Variants in SHC3 observed in about 807,000 individuals in gnomAD.
The protein encoded by SHC3 is SHC adaptor protein 3.
In SHC3, 15 loss-of-function variants were observed where a neutral mutation model predicts 60.4. The ratio of observed to expected loss-of-function variants is 0.25; its 90% confidence interval spans 0.17 to 0.38. SHC3 has a LOEUF of 0.38. Ranked by LOEUF, SHC3 falls within the 10% of genes least tolerant of loss-of-function variation. SHC3 has a pLI of 1.00. For missense variants in SHC3, 677 were observed against 786.1 expected (o/e 0.86, Z 1.66); for synonymous variants, 294 against 325.9 (o/e 0.90, Z 1.05).
At chr9:89,108,114 T>C (rs1825890661) in intron 2 of SHC3, among the ~76,000 whole-genome samples, 1 of 152,224 alleles carries the variant, frequency 6.6e-6, no homozygotes, top group Non-Finnish European at 1.5e-5. Context: ...CTAGGAGCAA[T>C]AGGCTATGCT....
intron 1 of SHC3, among the ~76,000 whole-genome samples, chr9:89,130,270 TC>T (rs1826224871): frequency 6.6e-6 from 1 of 152,114 alleles, no homozygotes; most frequent in Admixed American, 6.5e-5. Context: ...ATAAAGCAAG[TC>T]CTTAGAGACC....
At position 89,009,937 on chromosome 9, in the gene SHC3, TG is replaced by T. The variant is rs1933188003; in HGVS notation, c.*3509del. On this transcript the variant is annotated 3_prime_UTR_variant, in exon 12 of 12. Coordinates refer to ENST00000375835, the MANE Select transcript of SHC3 (RefSeq NM_016848.6). ...GAATCCCAGCACCAGACATGGAGGTTGGGCTGGACACACATGTCCACTGTTC... is the reference window on the plus strand; with the variant it reads ...GAATCCCAGCACCAGACATGGAGGTTGGCTGGACACACATGTCCACTGTTC... 6.6e-6 allele frequency: 1 copy of T among 152,262 alleles called. No homozygotes were observed. The highest frequency in any genetic ancestry group is 2.4e-5 in the African/African-American group (1 of 41,470). The allele number at this position is 152,262 out of a possible 1,614,324, so 9.4% of individuals were successfully genotyped here.
chr9:89,026,793 G>A (rs1826313809), intron 11 of SHC3, among the ~76,000 whole-genome samples: 1 of 152,202 alleles, frequency 6.6e-6, no homozygotes, highest in South Asian at 2.1e-4. Context: ...TGAGGAGTGA[G>A]CCTGACCTTG....
chr9:89,088,310 T>C (rs1219084942), intron 2 of SHC3, among the ~76,000 whole-genome samples: 3 of 152,238 alleles, frequency 2.0e-5, no homozygotes, highest in Non-Finnish European at 4.4e-5. Flanking sequence ...CAAGTTGTCC[T>C]GCCTTTCTGG....
intron 2 of SHC3, among the ~76,000 whole-genome samples, chr9:89,096,295 C>T (rs1825700276): frequency 6.6e-6 from 1 of 152,152 alleles, no homozygotes; most frequent in Non-Finnish European, 1.5e-5. Flanking sequence ...GTTCCAGGAG[C>T]CCAGAGACAT....
Position 89,052,093 on chromosome 9 carries a change from C to T in SHC3, c.906G>A (p.Glu302=). 13 of 1,614,160 alleles carry T rather than the reference C, an allele frequency of 8.1e-6. No individual in the cohort carries two copies. The highest frequency in any genetic ancestry group is 1.1e-5 in the Non-Finnish European group (13 of 1,180,012). Residue 302 remains glutamate (E), a synonymous_variant, in exon 7 of 12, where the codon GAG becomes GAA. Transcript: ENST00000375835. Reference sequence around the variant, plus strand: ...ACTGTAAATATTGCTTAAACCGGAGCTCAAAGGCTTGTCCGATGGAGCCGA... The same window carrying T: ...ACTGTAAATATTGCTTAAACCGGAGTTCAAAGGCTTGTCCGATGGAGCCGA... ...DVIGSIGQAF[E]LRFKQYLQCP...
chr9:89,133,767 G>C (rs536091210), intron 1 of SHC3, among the ~76,000 whole-genome samples: 4 of 152,222 alleles, frequency 2.6e-5, no homozygotes, highest in African/African-American at 4.8e-5. Context: ...GTCATGGGGT[G>C]GGGGGAGCTG....
chr9:89,096,646 A>G (rs62547209), intron 2 of SHC3, among the ~76,000 whole-genome samples: 8,768 of 152,302 alleles, frequency 0.058, 380 homozygotes, highest in Non-Finnish European at 0.086. Context: ...TATTACTTTT[A>G]TAATGCAATA....
chr9:89,018,070 G>C (rs1242448164), intron 11 of SHC3, among the ~76,000 whole-genome samples: 1 of 152,194 alleles, frequency 6.6e-6, no homozygotes, highest in East Asian at 1.9e-4. Flanking sequence ...AAACATTGTG[G>C]AAGACAGTGT....
intron 1 of SHC3, among the ~76,000 whole-genome samples, chr9:89,172,923 C>T (rs1471290626): frequency 6.6e-6 from 1 of 152,172 alleles, no homozygotes; most frequent in African/African-American, 2.4e-5. Flanking sequence ...TGGCCCTGGC[C>T]CCAGTGATCC....
intron 11 of SHC3, among the ~76,000 whole-genome samples, chr9:89,035,791 T>C (rs1287577224): frequency 6.9e-6 from 1 of 144,036 alleles, no homozygotes; most frequent in Non-Finnish European, 1.5e-5. Flanking sequence ...AACCTGTCTC[T>C]ACTAAAAATA....
intron 1 of SHC3, among the ~76,000 whole-genome samples, chr9:89,143,908 A>G (rs945687175): frequency 6.6e-6 from 1 of 152,134 alleles, no homozygotes; most frequent in Admixed American, 6.5e-5. Context: ...CCTTTAAGCC[A>G]CTGATATATG....
intron 2 of SHC3, among the ~76,000 whole-genome samples, chr9:89,089,411 G>A (rs900769135): frequency 3.3e-5 from 5 of 152,142 alleles, no homozygotes; most frequent in Non-Finnish European, 2.9e-5. Flanking sequence ...TGGAGCCTGG[G>A]GGGTGGAGCA....
chr9:89,025,706 C>T (rs919304594), intron 11 of SHC3, among the ~76,000 whole-genome samples: 3 of 152,196 alleles, frequency 2.0e-5, no homozygotes, highest in Non-Finnish European at 4.4e-5. Flanking sequence ...CAATAAGACA[C>T]CCAATTCCAG....
intron 1 of SHC3, among the ~76,000 whole-genome samples, chr9:89,167,269 C>T (rs930539701): frequency 4.6e-5 from 7 of 152,206 alleles, no homozygotes; most frequent in African/African-American, 1.7e-4. Flanking sequence ...TCATCTATTA[C>T]AGGAGTTGCT....
At chr9:89,069,729 C>A (rs376865820) in intron 5 of SHC3, among the ~76,000 whole-genome samples, 2 of 152,234 alleles carry the variant, frequency 1.3e-5, no homozygotes, top group Admixed American at 6.5e-5. Context: ...AGGAGTGATG[C>A]CCAGAATGGC....
At chr9:89,067,228 T>C (rs1415700133) in intron 5 of SHC3, among the ~76,000 whole-genome samples, 9 of 152,210 alleles carry the variant, frequency 5.9e-5, no homozygotes, top group Non-Finnish European at 1.3e-4. Flanking sequence ...CTTGTAATCA[T>C]AGGCACTTCC....
chr9:89,094,943 A>C (rs933620794), intron 2 of SHC3, among the ~76,000 whole-genome samples: 1 of 150,668 alleles, frequency 6.6e-6, no homozygotes, highest in African/African-American at 2.4e-5. Context: ...ACAACAAAAA[A>C]AACCAACCAA....
intron 1 of SHC3, among the ~76,000 whole-genome samples, chr9:89,133,730 G>A (rs1313943831): frequency 1.3e-5 from 2 of 152,066 alleles, no homozygotes; most frequent in African/African-American, 2.4e-5. Context: ...TTGGACACAG[G>A]GTAGGGAACA....
Sources: allele counts gnomAD v4.1 joint callset (sites outside exome capture counted in the v4.1 genomes callset), GRCh38; gene constraint gnomAD v4.1.1; transcripts MANE v1.5; gene names NCBI Gene and HGNC (gene_info 2026-07-23, HGNC 2026-07-21).